Variants in UNC5D observed in about 807,000 individuals in gnomAD.
The protein encoded by UNC5D is unc-5 netrin receptor D.
UNC5D carries 39 observed loss-of-function variants against 105.4 expected under a neutral mutation model. The ratio of observed to expected loss-of-function variants is 0.37; its 90% CI spans 0.29 to 0.48. The LOEUF (loss-of-function observed/expected upper bound fraction) is 0.48. Among genes scored for constraint, UNC5D ranks in the 20% least tolerant of loss-of-function variants. UNC5D has a pLI of 0.98. For synonymous variants in UNC5D, 452 were observed against 450.4 expected, an observed-to-expected ratio of 1.00 and a Z score of -0.04; for missense variants, 991 against 1,202.4, an observed-to-expected ratio of 0.82 and a Z score of 2.60.
At chr8:35,597,263 G>A (rs923123887) in intron 4 of UNC5D, among the ~76,000 whole-genome samples, 2 of 152,176 alleles carry the variant, frequency 1.3e-5, no homozygotes, top group Non-Finnish European at 2.9e-5. Context: ...GATGTAAAAT[G>A]ATTAGAAAGG....
intron 1 of UNC5D, among the ~76,000 whole-genome samples, chr8:35,338,267 G>A (rs1450873976): frequency 1.3e-5 from 2 of 152,068 alleles, no homozygotes; most frequent in Non-Finnish European, 2.9e-5. Flanking sequence ...TGTTGAAATC[G>A]TCAAATTTGC....
At chr8:35,261,183 G>A (rs538428120) in intron 1 of UNC5D, among the ~76,000 whole-genome samples, 29 of 152,222 alleles carry the variant, frequency 1.9e-4, no homozygotes, top group African/African-American at 6.0e-4. Flanking sequence ...TCAAAGGGCC[G>A]CTTAAAATTC....
At chr8:35,614,626 C>T (rs1820899071) in intron 4 of UNC5D, among the ~76,000 whole-genome samples, 2 of 151,944 alleles carry the variant, frequency 1.3e-5, no homozygotes, top group Non-Finnish European at 2.9e-5. Flanking sequence ...AATGACTTCT[C>T]TGAAAACATT....
At chr8:35,466,635 A>C (rs548249784) in intron 1 of UNC5D, among the ~76,000 whole-genome samples, 1 of 152,336 alleles carries the variant, frequency 6.6e-6, no homozygotes, top group Admixed American at 6.5e-5. Context: ...GCCATTCAAA[A>C]ATGGAAATTC....
intron 1 of UNC5D, among the ~76,000 whole-genome samples, chr8:35,239,249 C>T (rs1229604452): frequency 6.6e-6 from 1 of 152,114 alleles, no homozygotes; most frequent in East Asian, 1.9e-4. Flanking sequence ...GGGAGGGAAA[C>T]ATTTGGAGCT....
chr8:35,483,271 T>TA (rs1181882788), intron 1 of UNC5D, among the ~76,000 whole-genome samples: 1 of 152,188 alleles, frequency 6.6e-6, no homozygotes, highest in Admixed American at 6.5e-5. Flanking sequence ...AATTAGATTC[T>TA]GAAAAACTCT....
chr8:35,472,933 C>T (rs1397849700), intron 1 of UNC5D, among the ~76,000 whole-genome samples: 2 of 152,146 alleles, frequency 1.3e-5, no homozygotes, highest in Admixed American at 1.3e-4. Context: ...TGGTCAATGA[C>T]ACCAGGTGGG....
chr8:35,695,480 G>A (rs1450241072), intron 7 of UNC5D, among the ~76,000 whole-genome samples: 3 of 152,084 alleles, frequency 2.0e-5, no homozygotes, highest in Admixed American at 1.3e-4. Context: ...CACCATGACT[G>A]TGCTTGTAAA....
At chr8:35,455,667 TA>T (rs916759567) in intron 1 of UNC5D, among the ~76,000 whole-genome samples, 70 of 137,558 alleles carry the variant, frequency 5.1e-4, no homozygotes, top group East Asian at 2.1e-3. Flanking sequence ...GGTAATCTAT[TA>T]AAAAAAAAAA....
chr8:35,245,376 G>A (rs1451330870), intron 1 of UNC5D, among the ~76,000 whole-genome samples: 1 of 152,088 alleles, frequency 6.6e-6, no homozygotes, highest in Non-Finnish European at 1.5e-5. Context: ...ACTGGGAAAA[G>A]AAAGAATCTA....
At chr8:35,246,227 C>A (rs1157936560) in intron 1 of UNC5D, among the ~76,000 whole-genome samples, 11 of 152,098 alleles carry the variant, frequency 7.2e-5, no homozygotes. Context: ...CGTTTATTCA[C>A]ATTATTTTTT....
intron 2 of UNC5D, among the ~76,000 whole-genome samples, chr8:35,566,380 C>A: frequency 6.6e-6 from 1 of 152,134 alleles, no homozygotes; most frequent in Non-Finnish European, 1.5e-5. Flanking sequence ...CCTCCTCCAT[C>A]GAGAGTTCTG....
At chr8:35,766,545 A>G (rs1186671461) in intron 14 of UNC5D, among the ~76,000 whole-genome samples, 1 of 152,192 alleles carries the variant, frequency 6.6e-6, no homozygotes, top group Admixed American at 6.5e-5. Context: ...CATGGCCCAC[A>G]GGAGTCTTCC....
intron 1 of UNC5D, among the ~76,000 whole-genome samples, chr8:35,307,681 T>G (rs1309316738): frequency 6.6e-6 from 1 of 152,158 alleles, no homozygotes; most frequent in Non-Finnish European, 1.5e-5. Flanking sequence ...CATGGTCACT[T>G]GCAGTGAACC....
At chr8:35,245,049 A>T (rs923470503) in intron 1 of UNC5D, among the ~76,000 whole-genome samples, 1 of 152,120 alleles carries the variant, frequency 6.6e-6, no homozygotes, top group Non-Finnish European at 1.5e-5. Context: ...ATGCCATTAG[A>T]GACACCAATT....
chr8:35,749,462 G>A (rs1466814295), intron 12 of UNC5D, among the ~76,000 whole-genome samples: 1 of 152,134 alleles, frequency 6.6e-6, no homozygotes, highest in African/African-American at 2.4e-5. Context: ...GCCAGCCCTA[G>A]GGTCTTCCTC....
At chr8:35,721,372 G>A in intron 8 of UNC5D, 4 of 702,070 alleles carry the variant, frequency 5.7e-6, no homozygotes, top group Non-Finnish European at 1.0e-5. Flanking sequence ...AGCAGCTATA[G>A]CACATCTTGC....
chr8:35,734,805 C>T lies in UNC5D; in HGVS notation c.1766+3709C>T, dbSNP rs554213086. ...AAATTTTTTTTTTTTTTTTTTGAGACGGAGTCTCGCTCTGTTGCTCAGGTT... is the reference window on the plus strand; with the variant it reads ...AAATTTTTTTTTTTTTTTTTTGAGATGGAGTCTCGCTCTGTTGCTCAGGTT... On this transcript the variant is annotated intron_variant, in intron 11 of 16. Coordinates refer to ENST00000404895, the MANE Select transcript of UNC5D (RefSeq NM_080872.4). Among the ~76,000 whole-genome samples the T allele has an allele frequency of 2.2e-4, 25 of 115,184 alleles. No individual in the cohort carries two copies. The South Asian group carries it at 4.0e-3, about 18-fold the overall frequency. The allele number at this position is 115,184 out of a possible 152,430, so 75.6% of individuals were successfully genotyped here. A position where few individuals can be genotyped will look rare whatever the true frequency, so the allele number is the denominator to read the frequency against.
intron 1 of UNC5D, among the ~76,000 whole-genome samples, chr8:35,350,879 TTTG>T (rs1211636592): frequency 6.6e-6 from 1 of 152,086 alleles, no homozygotes; most frequent in African/African-American, 2.4e-5. Flanking sequence ...TGTTGCCGTT[TTTG>T]TTGTTTTCAG....
Sources: gnomAD v4.1 joint callset for allele counts (sites outside exome capture counted in the v4.1 genomes callset) on GRCh38, gnomAD v4.1.1 for gene constraint, MANE v1.5 for transcripts, NCBI Gene and HGNC (gene_info 2026-07-23, HGNC 2026-07-21) for gene names.